Variants in STX8 observed in about 807,000 individuals in gnomAD.
The protein encoded by STX8 is syntaxin-8.
STX8 carries 23 observed loss-of-function variants against 37.5 expected under a neutral mutation model. That is an observed-to-expected ratio of 0.61 (90% confidence interval 0.44 to 0.87). The LOEUF is 0.87. STX8 is among the 40% of genes least tolerant of loss of function. The pLI is 0.00. For missense variants in STX8, 313 were observed against 284.7 expected (o/e 1.10, Z -0.71); for synonymous variants, 115 against 99.1 (o/e 1.16, Z -0.95).
intron 7 of STX8, among the ~76,000 whole-genome samples, chr17:9,334,332 G>A (rs1035610): frequency 0.79 from 120,285 of 152,118 alleles, 49,004 homozygotes; most frequent in East Asian, 0.93. Flanking sequence ...TAATCTTGTG[G>A]TTAATGTTAG....
intron 6 of STX8, among the ~76,000 whole-genome samples, chr17:9,402,730 CTCTAAGAAT>C (rs1381812679): frequency 1.0e-5 from 1 of 100,322 alleles, no homozygotes; most frequent in Non-Finnish European, 2.1e-5. Context: ...ACTGGCTGAA[CTCTAAGAAT>C]TCCTCCTTTG....
chr17:9,477,956 A>C (rs1320917135), intron 6 of STX8, among the ~76,000 whole-genome samples: 2 of 152,092 alleles, frequency 1.3e-5, no homozygotes, highest in Admixed American at 1.3e-4. Context: ...TAGGCCCTAT[A>C]ACCTCAACTC....
chr17:9,571,324 G>C (rs1235970090), intron 1 of STX8, among the ~76,000 whole-genome samples: 2 of 152,134 alleles, frequency 1.3e-5, no homozygotes, highest in African/African-American at 4.8e-5. Context: ...CAACTGGTAT[G>C]GGGTTTGTCC....
chr17:9,304,895 G>A lies in STX8; in HGVS notation c.644-54250C>T, dbSNP rs1446610508. On this transcript the variant is annotated intron_variant, in intron 7 of 7. Transcript: ENST00000306357. ...AGGTACAGATGAGTGTTCACAATATGCTACCTTTCATATATGGGCGAAAAA... is the reference window on the plus strand; with the variant it reads ...AGGTACAGATGAGTGTTCACAATATACTACCTTTCATATATGGGCGAAAAA... Among the ~76,000 whole-genome samples, 3 of 147,324 alleles carry A rather than the reference G, an allele frequency of 2.0e-5. No individual in the cohort carries two copies. The East Asian group carries it at 5.9e-4, about 29-fold the overall frequency.
chr17:9,261,100 G>A (rs374627468), intron 7 of STX8, among the ~76,000 whole-genome samples: 2 of 152,148 alleles, frequency 1.3e-5, no homozygotes, highest in Non-Finnish European at 2.9e-5. Context: ...AGAGCTGGAC[G>A]GCAGCCTAGT....
intron 7 of STX8, among the ~76,000 whole-genome samples, chr17:9,341,329 G>A (rs118018936): frequency 6.6e-6 from 1 of 152,158 alleles, no homozygotes; most frequent in African/African-American, 2.4e-5. Flanking sequence ...AGGAGGCATG[G>A]CTTCTCTTCC....
intron 6 of STX8, among the ~76,000 whole-genome samples, chr17:9,473,036 A>G (rs1186856371): frequency 7.6e-6 from 1 of 131,494 alleles, no homozygotes; most frequent in Non-Finnish European, 1.6e-5. Context: ...GTGTCTCAGG[A>G]TCTTTTTTTC....
At chr17:9,400,860 C>T (rs1912590208) in intron 6 of STX8, among the ~76,000 whole-genome samples, 1 of 152,192 alleles carries the variant, frequency 6.6e-6, no homozygotes, top group African/African-American at 2.4e-5. Context: ...CAACCTCCAA[C>T]TGTGAGCCAA....
At chr17:9,317,798 T>G (rs1909438883) in intron 7 of STX8, among the ~76,000 whole-genome samples, 2 of 150,966 alleles carry the variant, frequency 1.3e-5, no homozygotes, top group South Asian at 4.2e-4. Context: ...AGTGGGGCTG[T>G]TTTCTCTACA....
chr17:9,503,259 T>C (rs1446559376), intron 5 of STX8, among the ~76,000 whole-genome samples: 7 of 151,950 alleles, frequency 4.6e-5, no homozygotes, highest in Admixed American at 1.3e-4. Context: ...TTATAGAAAA[T>C]GGAAACTAAT....
chr17:9,572,506 T>A (rs1156368456), intron 1 of STX8, among the ~76,000 whole-genome samples: 1 of 152,140 alleles, frequency 6.6e-6, no homozygotes, highest in Non-Finnish European at 1.5e-5. Context: ...ACCTCCTGGG[T>A]TCAAGTGATT....
intron 4 of STX8, among the ~76,000 whole-genome samples, chr17:9,516,343 A>ATATATG (rs55647835): frequency 1.5e-5 from 2 of 131,114 alleles, no homozygotes; most frequent in Non-Finnish European, 3.3e-5. Flanking sequence ...ATATATATAT[A>ATATATG]GACACCTGTT....
intron 7 of STX8, among the ~76,000 whole-genome samples, chr17:9,372,490 T>G (rs973602135): frequency 2.0e-5 from 3 of 152,060 alleles, no homozygotes; most frequent in African/African-American, 7.2e-5. Context: ...TATTAATTTT[T>G]TTTCTGAGAT....
intron 7 of STX8, among the ~76,000 whole-genome samples, chr17:9,270,379 C>G (rs374981525): frequency 6.6e-6 from 1 of 152,200 alleles, no homozygotes; most frequent in East Asian, 1.9e-4. Flanking sequence ...TCCCAAGTAG[C>G]TGGGACTACA....
At position 9,312,262 on chromosome 17, in the gene STX8, C is replaced by A. The variant is rs551919246; in HGVS notation, c.644-61617G>T. On this transcript the variant is annotated intron_variant, in intron 7 of 7. Transcript: ENST00000306357. Reference sequence around the variant, plus strand: ...TGTTGTCCAGGCTGGAGTGCAGTGGCGTGATCTTGGCTCACCGCAACCTCC... The same window carrying A: ...TGTTGTCCAGGCTGGAGTGCAGTGGAGTGATCTTGGCTCACCGCAACCTCC... 2.0e-5 allele frequency among the ~76,000 whole-genome samples: 3 copies of A among 151,566 alleles called. No individual in the cohort carries two copies. In the East Asian group the frequency reaches 5.8e-4, roughly 30 times the overall value.
intron 7 of STX8, among the ~76,000 whole-genome samples, chr17:9,315,963 C>T (rs1055502194): frequency 2.6e-5 from 4 of 151,464 alleles, no homozygotes; most frequent in Middle Eastern, 3.4e-3. Context: ...GCAAGTGAGC[C>T]GAGATCACGC....
intron 7 of STX8, among the ~76,000 whole-genome samples, chr17:9,341,861 C>G (rs549257748): frequency 6.6e-6 from 1 of 152,250 alleles, no homozygotes; most frequent in South Asian, 2.1e-4. Flanking sequence ...GAAGAAATAA[C>G]TGGTTTGGCT....
chr17:9,419,460 G>T (rs1913344163), intron 6 of STX8, among the ~76,000 whole-genome samples: 1 of 152,120 alleles, frequency 6.6e-6, no homozygotes, highest in African/African-American at 2.4e-5. Context: ...GGTGTGTTTT[G>T]GGGAGTGGAC....
intron 4 of STX8, 131 bp from the exon 5 acceptor site, chr17:9,505,293 T>C (rs1225706736): frequency 2.1e-6 from 2 of 972,348 alleles, no homozygotes; most frequent in Non-Finnish European, 3.0e-6. Flanking sequence ...TATTGCATCA[T>C]TAGTTTATGC....
Sources: allele counts gnomAD v4.1 joint callset (sites outside exome capture counted in the v4.1 genomes callset), GRCh38; gene constraint gnomAD v4.1.1; transcripts MANE v1.5; gene names NCBI Gene and HGNC (gene_info 2026-07-23, HGNC 2026-07-21).